PCDHGB7: variants seen among roughly 807,000 people sequenced by gnomAD.
The protein encoded by PCDHGB7 is protocadherin gamma subfamily B, 7, also known as protocadherin gamma-B7.
Under a neutral mutation model 61.4 loss-of-function variants are expected in PCDHGB7, and 37 were observed. That is an observed-to-expected ratio of 0.60 (90% CI 0.46 to 0.79). The LOEUF is 0.79. Ranked by LOEUF, PCDHGB7 falls within the 30% of genes least tolerant of loss-of-function variation. The pLI, the probability that PCDHGB7 is intolerant of heterozygous loss-of-function variation, is 0.00. For missense variants in PCDHGB7, 1,166 were observed against 1,202.5 expected (o/e 0.97, Z 0.45); for synonymous variants, 464 against 503.5 (o/e 0.92, Z 1.05).
chr5:141,419,694 G>A lies in PCDHGB7; in HGVS notation c.1835G>A (p.Ser612Asn). 6.2e-7 allele frequency: 1 copy of A among 1,612,974 alleles called. No individual in the cohort carries two copies. Among genetic ancestry groups the A allele is most frequent in the Non-Finnish European group, 8.5e-7 (1 of 1,179,532 alleles). The stretch of plus-strand genomic sequence containing the variant: ...CTGTCCTACCACGTGGTGCAGGCCA[G>A]TGAGCCCGGGCTCTTCAGCCTGGGG... ...AWLSYHVVQA[S>N]EPGLFSLGLR... Residue 612 changes from serine (S) to asparagine (N), a missense_variant, in exon 1 of 4, where the codon AGT (serine) becomes AAT (asparagine). Coordinates refer to ENST00000398594, the MANE Select transcript of PCDHGB7 (RefSeq NM_018927.4).
intron 1 of PCDHGB7, among the ~76,000 whole-genome samples, chr5:141,456,918 G>A (rs535602842): frequency 6.6e-6 from 1 of 152,006 alleles, no homozygotes; most frequent in African/African-American, 2.4e-5. Context: ...AGCCGAGATC[G>A]CACCACTGCA....
chr5:141,421,527 GTCC>G (rs2096581302), intron 1 of PCDHGB7: 1 of 1,614,050 alleles, frequency 6.2e-7, no homozygotes, highest in African/African-American at 1.3e-5. Flanking sequence ...GTGAGACGGT[GTCC>G]TCCTGTTTTT....
rs768354664 is a variant in PCDHGB7 at position 141,485,690 on chromosome 5, A to C, written c.2416-9117A>C. On this transcript the variant is annotated intron_variant, in intron 1 of 3. Coordinates refer to ENST00000398594, the MANE Select transcript of PCDHGB7 (RefSeq NM_018927.4). This position sits in a 1 kb window ranked among gnomAD's most constrained non-coding sequence, Gnocchi z 5.7. ...CAATTCGATTAGCAGCTATAGGCTG[A>C]GCTCCAATGAACACTTTGCACTGGA... 1.6e-5 allele frequency: 26 copies of C among 1,614,106 alleles called. No individual in the cohort carries two copies. In the South Asian group the frequency reaches 2.7e-4, roughly 17 times the overall value.
intron 3 of PCDHGB7, among the ~76,000 whole-genome samples, chr5:141,509,109 G>A (rs893509101): frequency 5.3e-5 from 8 of 152,240 alleles, no homozygotes; most frequent in African/African-American, 1.9e-4. Flanking sequence ...AAACCTGAGC[G>A]CTGGTGCGTG....
chr5:141,477,298 T>C lies in PCDHGB7; in HGVS notation c.2416-17509T>C. ...TGGTGACCTGCGAAGTTCCACCGGG[T>C]CTCCCTTTCAGCCTTACTTCTTCCC... On this transcript the variant is annotated intron_variant, in intron 1 of 3. Coordinates refer to ENST00000398594, the MANE Select transcript of PCDHGB7 (RefSeq NM_018927.4). This position sits in a 1 kb window ranked among gnomAD's most constrained non-coding sequence, Gnocchi z 4.9. 1 of 1,613,344 alleles carries C rather than the reference T, an allele frequency of 6.2e-7. No individual in the cohort carries two copies. Among genetic ancestry groups the C allele is most frequent in the Non-Finnish European group, 8.5e-7 (1 of 1,179,870 alleles).
chr5:141,437,800 C>G (rs963856257), intron 1 of PCDHGB7, among the ~76,000 whole-genome samples: 1 of 150,744 alleles, frequency 6.6e-6, no homozygotes, highest in African/African-American at 2.4e-5. Flanking sequence ...TGCAGTGGCA[C>G]TATCTTGGCT....
intron 3 of PCDHGB7, among the ~76,000 whole-genome samples, chr5:141,509,335 G>C (rs113423267): frequency 6.6e-6 from 1 of 152,144 alleles, no homozygotes; most frequent in African/African-American, 2.4e-5. Context: ...CTGCCAGCTG[G>C]GCCTGGGCTG....
At position 141,476,761 on chromosome 5, in the gene PCDHGB7, G is replaced by C. The variant is rs1293828206; in HGVS notation, c.2416-18046G>C. ...AGCCTAGTCTCCAGTTAGTGCTGAC[G>C]GCGTTGGACGGAGGGACCCCAGCTC... On this transcript the variant is annotated intron_variant, in intron 1 of 3. Transcript: ENST00000398594. This position sits in a 1 kb window ranked among gnomAD's most constrained non-coding sequence, Gnocchi z 7.6. 6.2e-7 allele frequency: 1 copy of C among 1,613,734 alleles called. No individual in the cohort carries two copies. Among genetic ancestry groups the C allele is most frequent in the East Asian group, 2.2e-5 (1 of 44,884 alleles).
chr5:141,469,711 T>C (rs894622720), intron 1 of PCDHGB7, among the ~76,000 whole-genome samples: 13 of 152,372 alleles, frequency 8.5e-5, no homozygotes, highest in African/African-American at 2.4e-4. Flanking sequence ...AATCACACTA[T>C]TAGGAATTTA....
chr5:141,419,240 G>T lies in PCDHGB7; in HGVS notation c.1381G>T (p.Val461Leu). The T allele has an allele frequency of 6.2e-7, 1 of 1,613,980 alleles. No individual in the cohort carries two copies. ...CGGACAGTCAGCCTACCTGGTCCAC[G>T]TGCCAGAAAACAACCAGCCGGGTGC... is the stretch of plus-strand genomic sequence containing the variant. ...VFGQSAYLVH[V>L]PENNQPGASI... The change falls in exon 1 of 4, where the codon GTG becomes TTG. Residue 461 changes from valine (V) to leucine (L), a missense_variant. Physicochemically the swap from Val to Leu is conservative, Grantham distance 32 (BLOSUM62 1). Coordinates refer to ENST00000398594, the MANE Select transcript of PCDHGB7 (RefSeq NM_018927.4).
At chr5:141,508,576 C>A (rs1437398161) in intron 3 of PCDHGB7, among the ~76,000 whole-genome samples, 1 of 152,136 alleles carries the variant, frequency 6.6e-6, no homozygotes, top group African/African-American at 2.4e-5. Flanking sequence ...TGCACCCACT[C>A]GGGGTGCTAC....
intron 1 of PCDHGB7, chr5:141,420,969 A>G (rs2096536141): frequency 2.3e-6 from 1 of 443,064 alleles, no homozygotes; most frequent in Admixed American, 4.0e-5. Flanking sequence ...TTGCAATAAT[A>G]AGAATGGGCT....
In PCDHGB7 at chr5:141,490,004, CA is replaced by C; in HGVS notation, c.2416-4802del. 1 of 1,614,174 alleles carries C rather than the reference CA, an allele frequency of 6.2e-7. No individual in the cohort carries two copies. Among genetic ancestry groups the C allele is most frequent in the Admixed American group, 1.7e-5 (1 of 60,034 alleles). ...CTACGTGTGGGAATCCCAGAGAATG[CA>C]CCCATTGGTACTCTGCTGCTCCGCC... On this transcript the variant is annotated intron_variant, in intron 1 of 3. Transcript: ENST00000398594. This position sits in a 1 kb window ranked among gnomAD's most constrained non-coding sequence, Gnocchi z 5.4.
chr5:141,486,506 A>C lies in PCDHGB7; in HGVS notation c.2416-8301A>C. The C allele has an allele frequency of 6.2e-7, 1 of 1,614,134 alleles. No individual in the cohort carries two copies. The highest frequency in any genetic ancestry group is 8.5e-7 in the Non-Finnish European group (1 of 1,180,006). Reference sequence around the variant, plus strand: ...TACCCACAGAACTATTTTCCTCAATATTTCAGATGTGAATGATAATCCACC... The same window carrying C: ...TACCCACAGAACTATTTTCCTCAATCTTTCAGATGTGAATGATAATCCACC... On this transcript the variant is annotated intron_variant, in intron 1 of 3. Transcript: ENST00000398594. The surrounding 1 kb of genome is among the most constrained non-coding windows in gnomAD (Gnocchi z 5.0).
chr5:141,489,091 T>C lies in PCDHGB7; in HGVS notation c.2416-5716T>C. 1 of 333,052 alleles carries C rather than the reference T, an allele frequency of 3.0e-6. No individual in the cohort carries two copies. The highest frequency in any genetic ancestry group is 5.5e-6 in the Non-Finnish European group (1 of 181,380). 20.6% of individuals were successfully genotyped at this position (333,052 alleles called of 1,614,324 possible). On this transcript the variant is annotated intron_variant, in intron 1 of 3. Coordinates refer to ENST00000398594, the MANE Select transcript of PCDHGB7 (RefSeq NM_018927.4). This position sits in a 1 kb window ranked among gnomAD's most constrained non-coding sequence, Gnocchi z 4.5. ...CTGCCCACCCCCGCCACTCGGTGAC[T>C]AAGAACTGCTGCAAGCAGGCAAACC...
At chr5:141,437,011 T>C (rs2097858173) in intron 1 of PCDHGB7, among the ~76,000 whole-genome samples, 1 of 152,236 alleles carries the variant, frequency 6.6e-6, no homozygotes, top group Non-Finnish European at 1.5e-5. Flanking sequence ...GGATCTTAGA[T>C]AATTTCACCA....
rs1389286417 is a variant in PCDHGB7 at position 141,432,046 on chromosome 5, C to T, written c.2415+11772C>T. ...CAGTGACCGCCACTGACCGGGGAAC[C>T]CCGCCCCTATCCACGGAAACTCATA... On this transcript the variant is annotated intron_variant, in intron 1 of 3. Transcript: ENST00000398594. This position sits in a 1 kb window ranked among gnomAD's most constrained non-coding sequence, Gnocchi z 6.0. 3.1e-6 allele frequency: 5 copies of T among 1,614,224 alleles called. No homozygotes were observed. The highest frequency in any genetic ancestry group is 2.2e-5 in the East Asian group (1 of 44,886).
chr5:141,511,138 A>C lies in PCDHGB7; in HGVS notation c.2755A>C (p.Asn919His). 6.2e-7 allele frequency: 1 copy of C among 1,614,210 alleles called. No homozygotes were observed. ...DGKAPAGGNGNKKKSGKKEKK is the reference protein window; with the variant it reads ...DGKAPAGGNGHKKKSGKKEKK ...CAAGGCCCCAGCAGGTGGCAATGGCAACAAGAAGAAGTCGGGCAAGAAGGA... is the reference window on the plus strand; with the variant it reads ...CAAGGCCCCAGCAGGTGGCAATGGCCACAAGAAGAAGTCGGGCAAGAAGGA... Residue 919 changes from asparagine to histidine, a missense_variant, in exon 4 of 4, where the codon AAC becomes CAC. Transcript: ENST00000398594.
In PCDHGB7 at chr5:141,431,501, C is replaced by G; in HGVS notation, c.2415+11227C>G. On this transcript the variant is annotated intron_variant, in intron 1 of 3. Coordinates refer to ENST00000398594, the MANE Select transcript of PCDHGB7 (RefSeq NM_018927.4). This position sits in a 1 kb window ranked among gnomAD's most constrained non-coding sequence, Gnocchi z 4.8. ...ACCAGCGTTTGCTCAGCCCGAGTAC[C>G]GCGCGAGCGTTCCGGAGAATCTGGC... is the stretch of plus-strand genomic sequence containing the variant. 1 of 1,614,010 alleles carries G rather than the reference C, an allele frequency of 6.2e-7. No homozygotes were observed. The highest frequency in any genetic ancestry group is 8.5e-7 in the Non-Finnish European group (1 of 1,180,034).
Sources: allele counts gnomAD v4.1 joint callset (sites outside exome capture counted in the v4.1 genomes callset), GRCh38; gene constraint gnomAD v4.1.1; non-coding constraint Gnocchi (gnomAD v3.1); transcripts MANE v1.5; gene names NCBI Gene and HGNC (gene_info 2026-07-23, HGNC 2026-07-21).